The following RHOJ variants were observed in gnomAD, a reference collection of about 807,000 sequenced individuals.
RHOJ encodes rho-related GTP-binding protein RhoJ.
RHOJ carries 11 observed loss-of-function variants against 23.4 expected under a neutral mutation model. The ratio of observed to expected loss-of-function variants is 0.47; its 90% CI spans 0.30 to 0.78. The LOEUF (loss-of-function observed/expected upper bound fraction) is 0.78, where lower values mean the gene tolerates loss of function less well. Ranked by LOEUF, RHOJ falls within the 30% of genes least tolerant of loss-of-function variation. RHOJ has a pLI of 0.08. For missense variants in RHOJ, 254 were observed against 273.4 expected (o/e 0.93, Z 0.50); for synonymous variants, 102 against 102.7 (o/e 0.99, Z 0.04).
intron 1 of RHOJ, among the ~76,000 whole-genome samples, chr14:63,264,032 T>C (rs749996966): frequency 2.0e-5 from 3 of 152,056 alleles, no homozygotes; most frequent in Non-Finnish European, 1.5e-5. Flanking sequence ...GGAGTACATC[T>C]GTAGGTTTGT....
At chr14:63,230,859 T>TTTTTTTTTTG (rs1594757608) in intron 1 of RHOJ, among the ~76,000 whole-genome samples, 2 of 149,496 alleles carry the variant, frequency 1.3e-5, no homozygotes, top group African/African-American at 5.0e-5. Flanking sequence ...TTTTTTTTTT[T>TTTTTTTTTTG]AGATGGAGTC....
At chr14:63,257,015 T>C (rs1304726494) in intron 1 of RHOJ, among the ~76,000 whole-genome samples, 2 of 150,422 alleles carry the variant, frequency 1.3e-5, no homozygotes, top group East Asian at 3.9e-4. Context: ...GAAGTTGCAG[T>C]GAGCCAAGAT....
At chr14:63,209,889 A>G (rs1894195047) in intron 1 of RHOJ, among the ~76,000 whole-genome samples, 1 of 151,332 alleles carries the variant, frequency 6.6e-6, no homozygotes, top group Admixed American at 6.6e-5. Flanking sequence ...TTTTATTCAT[A>G]TTTTAAATAA....
intron 1 of RHOJ, among the ~76,000 whole-genome samples, chr14:63,209,692 A>G (rs990119800): frequency 6.6e-6 from 1 of 152,182 alleles, no homozygotes; most frequent in African/African-American, 2.4e-5. Context: ...CAGACTCTCA[A>G]CTCAGATTAT....
intron 1 of RHOJ, among the ~76,000 whole-genome samples, chr14:63,254,666 G>C (rs185303750): frequency 4.9e-4 from 74 of 152,144 alleles, no homozygotes; most frequent in African/African-American, 1.7e-3. Context: ...AATTTCCAAG[G>C]CTAGGGAGGA....
chr14:63,205,066 C>T lies in RHOJ; in HGVS notation c.178+19C>T, dbSNP rs774370787. 2 of 1,606,230 alleles carry T rather than the reference C, an allele frequency of 1.2e-6. No individual in the cohort carries two copies. The highest frequency in any genetic ancestry group is 2.2e-5 in the East Asian group (1 of 44,786). ...TATGCAGGTAAGAAAAAGTGGGAAACTCTCTGCATCCAGACAAACGATGCA... is the reference window on the plus strand; with the variant it reads ...TATGCAGGTAAGAAAAAGTGGGAAATTCTCTGCATCCAGACAAACGATGCA... On this transcript the variant is annotated intron_variant, in intron 1 of 4. Transcript: ENST00000316754.
intron 1 of RHOJ, among the ~76,000 whole-genome samples, chr14:63,235,890 A>G (rs1262677328): frequency 7.9e-5 from 12 of 152,232 alleles, no homozygotes. Flanking sequence ...CTCCTAGAGA[A>G]GAAATCTCAA....
In RHOJ at chr14:63,277,876, G is replaced by T. The variant is rs531972566; in HGVS notation, c.238-3095G>T. Among the ~76,000 whole-genome samples the T allele has an allele frequency of 5.9e-4, 89 of 152,030 alleles. 1 individual carries two copies. In the South Asian group the frequency reaches 0.019, roughly 32 times the overall value. Reference sequence around the variant, plus strand: ...GAAGTGGGGAGACCATGGAAGAGGAGGTTTGTTTTTCAGAGCTAGTTGTGT... The same window carrying T: ...GAAGTGGGGAGACCATGGAAGAGGATGTTTGTTTTTCAGAGCTAGTTGTGT... On this transcript the variant is annotated intron_variant, in intron 2 of 4. Transcript: ENST00000316754.
At chr14:63,242,663 C>A (rs1018506168) in intron 1 of RHOJ, among the ~76,000 whole-genome samples, 7 of 152,136 alleles carry the variant, frequency 4.6e-5, no homozygotes, top group African/African-American at 1.7e-4. Context: ...CTTGGAGAAG[C>A]CTGGCTGTGA....
At chr14:63,246,087 CCCAGGTTGCTGGGCCAAGCT>C (rs1894971576) in intron 1 of RHOJ, among the ~76,000 whole-genome samples, 1 of 152,162 alleles carries the variant, frequency 6.6e-6, no homozygotes, top group East Asian at 1.9e-4. Flanking sequence ...CTGGCAACAA[CCCAGGTTGCTGGGCCAAGCT>C]CCAGAGAAGG....
intron 1 of RHOJ, among the ~76,000 whole-genome samples, chr14:63,254,013 T>G (rs1179332804): frequency 3.9e-5 from 6 of 152,100 alleles, no homozygotes; most frequent in African/African-American, 7.2e-5. Flanking sequence ...GGCAGCACAG[T>G]GGTTGGAGTG....
chr14:63,278,988 A>G (rs1881814989), intron 2 of RHOJ, among the ~76,000 whole-genome samples: 1 of 152,256 alleles, frequency 6.6e-6, no homozygotes, highest in Non-Finnish European at 1.5e-5. Flanking sequence ...TCCATCTCAA[A>G]TAATAAAATA....
chr14:63,248,652 T>C (rs1159394999), intron 1 of RHOJ, among the ~76,000 whole-genome samples: 2 of 152,244 alleles, frequency 1.3e-5, no homozygotes, highest in Non-Finnish European at 2.9e-5. Flanking sequence ...CTGTTTACCA[T>C]TCATTTATTT....
intron 4 of RHOJ, among the ~76,000 whole-genome samples, chr14:63,283,868 G>T (rs1263834306): frequency 8.5e-5 from 13 of 152,204 alleles, no homozygotes; most frequent in Non-Finnish European, 1.9e-4. Context: ...GCTTTAGAAA[G>T]TTTTTGCCAG....
At chr14:63,207,281 C>T (rs1316431961) in intron 1 of RHOJ, among the ~76,000 whole-genome samples, 1 of 152,134 alleles carries the variant, frequency 6.6e-6, no homozygotes, top group Non-Finnish European at 1.5e-5. Flanking sequence ...CTGCCTGCCT[C>T]AGCCTCCTAA....
rs140840845 is a variant in RHOJ at position 63,242,828 on chromosome 14, G to A, written c.179-26282G>A. On this transcript the variant is annotated intron_variant, in intron 1 of 4. Transcript: ENST00000316754. The stretch of plus-strand genomic sequence containing the variant: ...CTATACAACCAGTTATGTTAAGGAC[G>A]GTAGTTCAAAGATGTAAAATGAAAT... Among the ~76,000 whole-genome samples the A allele has an allele frequency of 1.1e-3, 168 of 152,178 alleles. 3 individuals are homozygous for A. The highest frequency in any genetic ancestry group is 3.5e-3 in the African/African-American group (144 of 41,514).
At chr14:63,288,554 C>T (rs138355079) in intron 4 of RHOJ, among the ~76,000 whole-genome samples, 267 of 152,296 alleles carry the variant, frequency 1.8e-3, no homozygotes, top group African/African-American at 6.0e-3. Flanking sequence ...GAACACAGTC[C>T]CAAAATGCAA....
At chr14:63,284,468 GGAA>G in intron 4 of RHOJ, 2 of 532,736 alleles carry the variant, frequency 3.8e-6, no homozygotes, top group Non-Finnish European at 4.8e-6. Flanking sequence ...TTACAGATGA[GGAA>G]ACAGTCTTAG....
intron 2 of RHOJ, among the ~76,000 whole-genome samples, chr14:63,269,807 C>G (rs771235767): frequency 6.6e-6 from 1 of 152,318 alleles, no homozygotes; most frequent in Admixed American, 6.5e-5. Flanking sequence ...CACAAGACAA[C>G]GGGCTAAAAC....
Sources: gnomAD v4.1 joint callset for allele counts (sites outside exome capture counted in the v4.1 genomes callset) on GRCh38, gnomAD v4.1.1 for gene constraint, MANE v1.5 for transcripts, NCBI Gene and HGNC (gene_info 2026-07-23, HGNC 2026-07-21) for gene names.